CDH12: variants seen among roughly 807,000 people sequenced by gnomAD.
CDH12 encodes cadherin-12.
In CDH12, 41 loss-of-function variants were observed where a neutral mutation model predicts 74.1. The observed-to-expected ratio is 0.55, with a 90% CI of 0.43 to 0.72. CDH12 has a LOEUF of 0.72. Ranked by LOEUF, CDH12 falls within the 30% of genes least tolerant of loss-of-function variation. The pLI, the probability that CDH12 is intolerant of heterozygous loss-of-function variation, is 0.00. For synonymous variants in CDH12, 399 were observed against 355.0 expected (o/e 1.12, Z -1.39); for missense variants, 945 against 977.2 (o/e 0.97, Z 0.44).
chr5:22,609,738 T>C (rs1310479854), intron 1 of CDH12, among the ~76,000 whole-genome samples: 1 of 152,170 alleles, frequency 6.6e-6, no homozygotes, highest in Non-Finnish European at 1.5e-5. Flanking sequence ...ACTTCAACTC[T>C]AAAAAAACAT....
At chr5:22,035,619 G>A (rs1050419154) in intron 5 of CDH12, among the ~76,000 whole-genome samples, 2 of 151,634 alleles carry the variant, frequency 1.3e-5, no homozygotes, top group African/African-American at 4.8e-5. Flanking sequence ...ATCATCAGGT[G>A]TCCTAGAACT....
At chr5:22,795,847 C>A (rs1458217361) in intron 1 of CDH12, among the ~76,000 whole-genome samples, 1 of 151,842 alleles carries the variant, frequency 6.6e-6, no homozygotes, top group Non-Finnish European at 1.5e-5. Flanking sequence ...TGTGAATTAT[C>A]TGAGGAAGTC....
chr5:22,241,257 T>C (rs1158543899), intron 3 of CDH12, among the ~76,000 whole-genome samples: 1 of 152,052 alleles, frequency 6.6e-6, no homozygotes, highest in Non-Finnish European at 1.5e-5. Flanking sequence ...ACAAAGGCCA[T>C]AACGTATTTT....
intron 7 of CDH12, among the ~76,000 whole-genome samples, chr5:21,845,428 G>A (rs1218340382): frequency 6.6e-6 from 1 of 152,022 alleles, no homozygotes; most frequent in Non-Finnish European, 1.5e-5. Context: ...TTAGGCTCCA[G>A]CTATTCCAAC....
chr5:22,360,523 C>T (rs1160568880), intron 3 of CDH12, among the ~76,000 whole-genome samples: 1 of 152,162 alleles, frequency 6.6e-6, no homozygotes. Flanking sequence ...GGTACCATTC[C>T]TTCTGAAACT....
At chr5:22,495,173 C>A (rs1174042925) in intron 2 of CDH12, among the ~76,000 whole-genome samples, 1 of 151,978 alleles carries the variant, frequency 6.6e-6, no homozygotes, top group Non-Finnish European at 1.5e-5. Context: ...TCACTTGGGG[C>A]AAGAGGAAAA....
At chr5:22,168,277 C>T (rs1307553756) in intron 4 of CDH12, among the ~76,000 whole-genome samples, 1 of 151,882 alleles carries the variant, frequency 6.6e-6, no homozygotes, top group Non-Finnish European at 1.5e-5. Context: ...ACTTTTTTCT[C>T]TCATGTCCCC....
At chr5:22,565,511 T>A (rs1739244601) in intron 1 of CDH12, among the ~76,000 whole-genome samples, 2 of 152,216 alleles carry the variant, frequency 1.3e-5, no homozygotes, top group Non-Finnish European at 2.9e-5. Context: ...CAGGAATACT[T>A]CAGGAATTAG....
intron 3 of CDH12, among the ~76,000 whole-genome samples, chr5:22,263,023 C>T (rs1210705181): frequency 1.3e-5 from 2 of 151,552 alleles, no homozygotes; most frequent in South Asian, 2.1e-4. Flanking sequence ...AAAAAGTGGG[C>T]GAAGGACATG....
At chr5:22,546,220 A>C (rs1738321153) in intron 1 of CDH12, among the ~76,000 whole-genome samples, 1 of 152,212 alleles carries the variant, frequency 6.6e-6, no homozygotes. Flanking sequence ...CTGGGATTAC[A>C]GGCATGAGCC....
At chr5:22,714,746 A>C (rs1366464173) in intron 1 of CDH12, among the ~76,000 whole-genome samples, 1 of 152,202 alleles carries the variant, frequency 6.6e-6, no homozygotes, top group Non-Finnish European at 1.5e-5. Flanking sequence ...TGCAGTAATC[A>C]TATTGAGATT....
chr5:22,000,164 G>A (rs1313719482), intron 5 of CDH12, among the ~76,000 whole-genome samples: 1 of 152,070 alleles, frequency 6.6e-6, no homozygotes, highest in Non-Finnish European at 1.5e-5. Flanking sequence ...ATCTTGCTAT[G>A]TTGCCCAGGC....
intron 11 of CDH12, among the ~76,000 whole-genome samples, chr5:21,767,130 G>A (rs1281897475): frequency 6.6e-6 from 1 of 151,732 alleles, no homozygotes; most frequent in Non-Finnish European, 1.5e-5. Context: ...CAACATCTGG[G>A]TAATGTAAAA....
chr5:21,887,795 T>C (rs1227974890), intron 6 of CDH12, among the ~76,000 whole-genome samples: 1 of 152,154 alleles, frequency 6.6e-6, no homozygotes, highest in African/African-American at 2.4e-5. Flanking sequence ...CAGTTTAGTA[T>C]GAACATAGTC....
At chr5:22,137,677 A>G (rs1746541210) in intron 4 of CDH12, among the ~76,000 whole-genome samples, 1 of 152,074 alleles carries the variant, frequency 6.6e-6, no homozygotes. Context: ...GGTGCCACCT[A>G]TTTTTAAAGT....
chr5:22,446,626 T>TC (rs1374544213), intron 2 of CDH12, among the ~76,000 whole-genome samples: 2 of 152,076 alleles, frequency 1.3e-5, no homozygotes, highest in East Asian at 3.9e-4. Flanking sequence ...CCAGAAAGAA[T>TC]CAAATATTGC....
intron 1 of CDH12, among the ~76,000 whole-genome samples, chr5:22,753,878 A>T (rs372394124): frequency 3.3e-5 from 5 of 152,252 alleles, no homozygotes; most frequent in East Asian, 3.9e-4. Context: ...AAAACCAAAG[A>T]AATAAAAATC....
intron 4 of CDH12, among the ~76,000 whole-genome samples, chr5:22,104,099 T>A (rs114874958): frequency 0.011 from 1,669 of 152,346 alleles, 20 homozygotes; most frequent in African/African-American, 0.029. Context: ...TGACAAAACC[T>A]ATAGCTTTAT....
chr5:21,875,486 C>T (rs1751878645), intron 6 of CDH12, among the ~76,000 whole-genome samples: 1 of 56,382 alleles, frequency 1.8e-5, no homozygotes, highest in Non-Finnish European at 3.9e-5. Context: ...CAATTTGAAA[C>T]AGAATCGTGT....
Sources: allele counts gnomAD v4.1 joint callset (sites outside exome capture counted in the v4.1 genomes callset), GRCh38; gene constraint gnomAD v4.1.1; transcripts MANE v1.5; gene names NCBI Gene and HGNC (gene_info 2026-07-23, HGNC 2026-07-21).